The following DYDC2 variants were observed in gnomAD, a reference collection of about 807,000 sequenced individuals.
DYDC2 encodes the protein DPY30 domain-containing protein 2.
Under a neutral mutation model 18.7 loss-of-function variants are expected in DYDC2, and 19 were observed. That is an observed-to-expected ratio of 1.02 (90% CI 0.71 to 1.49). The LOEUF is 1.49. Among genes scored for constraint, DYDC2 ranks in the 40% most tolerant of loss-of-function variants. The pLI is 0.00. For missense variants in DYDC2, 179 were observed against 205.1 expected (o/e 0.87, Z 0.78); for synonymous variants, 63 against 67.6 (o/e 0.93, Z 0.34).
chr10:80,364,254 A>G (rs1843757480), intron 4 of DYDC2, among the ~76,000 whole-genome samples: 1 of 152,254 alleles, frequency 6.6e-6, no homozygotes, highest in African/African-American at 2.4e-5. Flanking sequence ...TGTCTTGTAA[A>G]TAAATTAAAT....
chr10:80,359,190 G>T lies in DYDC2; in HGVS notation c.-10+1145G>T, dbSNP rs556090711. Among the ~76,000 whole-genome samples, 2 of 152,270 alleles carry T rather than the reference G, an allele frequency of 1.3e-5. 1 individual carries two copies. Among genetic ancestry groups the T allele is most frequent in the South Asian group, 4.1e-4 (2 of 4,822 alleles). The stretch of plus-strand genomic sequence containing the variant: ...GAGCTGATTGGTCCATTTTGACAGG[G>T]TGCTGATTGGTGTGTTTACAATCCT... On this transcript the variant is annotated intron_variant, in intron 2 of 4. Transcript: ENST00000256039.
chr10:80,347,711 TC>T, intron 1 of DYDC2, among the ~76,000 whole-genome samples: 1 of 152,298 alleles, frequency 6.6e-6, no homozygotes, highest in African/African-American at 2.4e-5. Context: ...GAAGAGACTA[TC>T]CTTTTCCCTT....
At position 80,357,389 on chromosome 10, in the gene DYDC2, G is replaced by A. The variant is rs917611958; in HGVS notation, c.-162-504G>A. Among the ~76,000 whole-genome samples the A allele has an allele frequency of 3.9e-5, 6 of 152,160 alleles. No homozygotes were observed. In the East Asian group the frequency reaches 5.8e-4, roughly 15 times the overall value. ...GAGGAGACTTGCTACACAGAAACCTGGAGGAGTAGGGGCACACAAAAGAGC... is the reference window on the plus strand; with the variant it reads ...GAGGAGACTTGCTACACAGAAACCTAGAGGAGTAGGGGCACACAAAAGAGC... On this transcript the variant is annotated intron_variant, in intron 1 of 4. Coordinates refer to ENST00000256039, the MANE Select transcript of DYDC2 (RefSeq NM_032372.6).
chr10:80,365,108 T>A (rs1396814524), intron 4 of DYDC2, among the ~76,000 whole-genome samples: 1 of 152,244 alleles, frequency 6.6e-6, no homozygotes, highest in Non-Finnish European at 1.5e-5. Context: ...CCTGATGAAC[T>A]GATATGCATA....
chr10:80,356,266 T>G, upstream of DYDC2: 1 of 985,570 alleles, frequency 1.0e-6, no homozygotes, highest in Non-Finnish European at 1.2e-6. Flanking sequence ...ATAGGCATCT[T>G]GGCTCAACAT....
Sources: allele counts gnomAD v4.1 joint callset (sites outside exome capture counted in the v4.1 genomes callset), GRCh38; gene constraint gnomAD v4.1.1; transcripts MANE v1.5; gene names NCBI Gene and HGNC (gene_info 2026-07-23, HGNC 2026-07-21).